MCC: variants seen among roughly 807,000 people sequenced by gnomAD.
The protein encoded by MCC is colorectal mutant cancer protein.
In MCC, 90 loss-of-function variants were observed where a neutral mutation model predicts 116.2. The observed-to-expected ratio is 0.77, with a 90% CI of 0.65 to 0.92. MCC has a LOEUF of 0.92. Among genes scored for constraint, MCC ranks in the 40% least tolerant of loss-of-function variants. MCC has a pLI of 0.00. For synonymous variants in MCC, 578 were observed against 510.5 expected (o/e 1.13, Z -1.78); for missense variants, 1,516 against 1,312.2 (o/e 1.16, Z -2.40).
chr5:113,451,931 T>C (rs1240246121), intron 1 of MCC, among the ~76,000 whole-genome samples: 1 of 152,206 alleles, frequency 6.6e-6, no homozygotes, highest in Non-Finnish European at 1.5e-5. Flanking sequence ...CTCTACATCA[T>C]GTCCAACTGG....
intron 3 of MCC, among the ~76,000 whole-genome samples, chr5:113,201,968 C>T (rs1205744150): frequency 1.3e-5 from 2 of 152,282 alleles, no homozygotes; most frequent in South Asian, 2.1e-4. Flanking sequence ...AACGACCCCA[C>T]AACCCCATTT....
intron 1 of MCC, chr5:113,432,677 A>G (rs1234440793): frequency 6.6e-6 from 1 of 152,226 alleles, no homozygotes; most frequent in Non-Finnish European, 1.5e-5. Context: ...CATGCTTTTC[A>G]CTATTGTTAC....
At chr5:113,268,183 G>A (rs927709467) in intron 3 of MCC, among the ~76,000 whole-genome samples, 2 of 152,118 alleles carry the variant, frequency 1.3e-5, no homozygotes, top group African/African-American at 2.4e-5. Context: ...TCCTAAAGAC[G>A]TCCGAAACTC....
chr5:113,163,558 A>G (rs762062285), intron 3 of MCC, among the ~76,000 whole-genome samples: 4 of 151,648 alleles, frequency 2.6e-5, no homozygotes, highest in African/African-American at 9.7e-5. Flanking sequence ...TTTTTTGTTG[A>G]CTCACTGCCC....
Position 113,258,637 on chromosome 5 carries a change from T to C in MCC, c.627+81882A>G, listed in dbSNP as rs368252759. On this transcript the variant is annotated intron_variant, in intron 3 of 18. Transcript: ENST00000408903. The stretch of plus-strand genomic sequence containing the variant: ...ACCCCTGCCACTGTCTGTGGAAAAA[T>C]TGTCTTCTGCGAAAGCAGTCCCTGC... 2.8e-4 allele frequency among the ~76,000 whole-genome samples: 42 copies of C among 152,252 alleles called. 4 individuals carry two copies. Among genetic ancestry groups the C allele is most frequent in the South Asian group, 1.2e-3 (6 of 4,826 alleles).
intron 1 of MCC, among the ~76,000 whole-genome samples, chr5:113,402,796 A>C (rs147094066): frequency 6.6e-6 from 1 of 152,106 alleles, no homozygotes; most frequent in East Asian, 1.9e-4. Context: ...AAATGTTGTC[A>C]TTGTGTCTCA....
chr5:113,248,063 G>T (rs1160990842), intron 3 of MCC, among the ~76,000 whole-genome samples: 1 of 151,922 alleles, frequency 6.6e-6, no homozygotes, highest in Non-Finnish European at 1.5e-5. Context: ...AGGGAAGGGG[G>T]CAGAGAAGGA....
intron 13 of MCC, among the ~76,000 whole-genome samples, chr5:113,066,076 C>T (rs1247805663): frequency 1.3e-5 from 2 of 152,216 alleles, no homozygotes; most frequent in Non-Finnish European, 2.9e-5. Context: ...CTTACTGGCT[C>T]ATATTATAAA....
At chr5:113,330,943 CCTACA>C (rs1318622867) in intron 3 of MCC, among the ~76,000 whole-genome samples, 12 of 152,200 alleles carry the variant, frequency 7.9e-5, no homozygotes, top group Non-Finnish European at 1.6e-4. Flanking sequence ...TTCTTCAGGT[CCTACA>C]CATGGACCTG....
intron 3 of MCC, among the ~76,000 whole-genome samples, chr5:113,211,045 G>A (rs182640601): frequency 6.6e-6 from 1 of 152,164 alleles, no homozygotes; most frequent in African/African-American, 2.4e-5. Flanking sequence ...CTATTAACAT[G>A]ATGCTATCAA....
chr5:113,102,056 C>A, intron 7 of MCC, 111 bp from the exon 8 acceptor site: 1 of 1,017,986 alleles, frequency 9.8e-7, no homozygotes, highest in Non-Finnish European at 1.5e-6. Flanking sequence ...TGTTCTAGAA[C>A]CACTTTGTTA....
chr5:113,230,536 CAG>C (rs1445440382), intron 3 of MCC, among the ~76,000 whole-genome samples: 1 of 152,172 alleles, frequency 6.6e-6, no homozygotes, highest in Non-Finnish European at 1.5e-5. Context: ...CTTCCTTTAA[CAG>C]AGAGAATTTT....
At chr5:113,451,891 G>A (rs927705147) in intron 1 of MCC, among the ~76,000 whole-genome samples, 8 of 152,204 alleles carry the variant, frequency 5.3e-5, no homozygotes, top group Non-Finnish European at 1.0e-4. Flanking sequence ...GATTCTGTGG[G>A]TTGGCTGGGT....
intron 3 of MCC, among the ~76,000 whole-genome samples, chr5:113,192,487 T>C (rs1202977755): frequency 6.6e-6 from 1 of 152,218 alleles, no homozygotes; most frequent in Non-Finnish European, 1.5e-5. Flanking sequence ...TACCTTTTTA[T>C]AATTAGCATA....
intron 2 of MCC, among the ~76,000 whole-genome samples, chr5:113,347,545 G>A (rs927451905): frequency 7.2e-5 from 11 of 151,936 alleles, no homozygotes; most frequent in African/African-American, 2.7e-4. Context: ...AAGCCTTGCG[G>A]TAACATCAAA....
chr5:113,330,904 C>T (rs1343541789), intron 3 of MCC, among the ~76,000 whole-genome samples: 1 of 152,224 alleles, frequency 6.6e-6, no homozygotes, highest in Non-Finnish European at 1.5e-5. Flanking sequence ...CGGCTTCCTA[C>T]CACCTCACTA....
intron 1 of MCC, among the ~76,000 whole-genome samples, chr5:113,404,604 T>A (rs963114074): frequency 1.2e-4 from 18 of 152,238 alleles, no homozygotes; most frequent in African/African-American, 4.3e-4. Context: ...TTTCTAGAAA[T>A]GTATCCTAGG....
intron 3 of MCC, among the ~76,000 whole-genome samples, chr5:113,265,529 C>CT (rs1481684030): frequency 6.6e-6 from 1 of 152,142 alleles, no homozygotes; most frequent in Non-Finnish European, 1.5e-5. Flanking sequence ...TCTCAGGCTT[C>CT]TTTTTTACCA....
intron 1 of MCC, among the ~76,000 whole-genome samples, chr5:113,417,676 T>G (rs921487853): frequency 3.3e-5 from 5 of 152,150 alleles, no homozygotes; most frequent in Non-Finnish European, 7.4e-5. Context: ...CGCCTGTAAT[T>G]CTAGCACTTT....
Sources: allele counts gnomAD v4.1 joint callset (sites outside exome capture counted in the v4.1 genomes callset), GRCh38; gene constraint gnomAD v4.1.1; transcripts MANE v1.5; gene names NCBI Gene and HGNC (gene_info 2026-07-23, HGNC 2026-07-21).